The following SLIT3 variants were observed in gnomAD, a reference collection of about 807,000 sequenced individuals.
SLIT3 encodes slit guidance ligand 3.
Under a neutral mutation model 184.0 loss-of-function variants are expected in SLIT3, and 68 were observed. The observed-to-expected ratio is 0.37, with a 90% CI of 0.30 to 0.45. The LOEUF (loss-of-function observed/expected upper bound fraction) is 0.45. Ranked by LOEUF, SLIT3 falls within the 20% of genes least tolerant of loss-of-function variation. The probability of loss-of-function intolerance (pLI) is 1.00; values close to 1 mark genes in which losing one functional copy is unlikely to be tolerated. For synonymous variants in SLIT3, 831 were observed against 828.6 expected (o/e 1.00, Z -0.05); for missense variants, 1,707 against 2,026.0 (o/e 0.84, Z 3.02).
chr5:169,250,210 T>A lies in SLIT3; in HGVS notation c.269+1178A>T, dbSNP rs922785968. ...TAGGGGCTCATAATAATGCCCCACC[T>A]TTTTGTTACCACTATGTAATACTGT... On this transcript the variant is annotated intron_variant, in intron 2 of 35. Transcript: ENST00000519560. Among the ~76,000 whole-genome samples the A allele has an allele frequency of 4.6e-5, 7 of 152,184 alleles. No homozygotes were observed. The South Asian group carries it at 1.2e-3, about 27-fold the overall frequency.
intron 4 of SLIT3, among the ~76,000 whole-genome samples, chr5:169,123,587 C>T (rs1760965906): frequency 6.6e-6 from 1 of 152,110 alleles, no homozygotes; most frequent in South Asian, 2.1e-4. Context: ...TTGATAGGTG[C>T]CAAAACTGTT....
chr5:169,025,472 C>A (rs6890327), intron 4 of SLIT3, among the ~76,000 whole-genome samples: 44,555 of 151,964 alleles, frequency 0.29, 7,050 homozygotes, highest in East Asian at 0.51. Flanking sequence ...ACAGATGGTA[C>A]ATTCCTTGCT....
intron 3 of SLIT3, among the ~76,000 whole-genome samples, chr5:169,212,983 G>C (rs913539551): frequency 1.3e-5 from 2 of 152,148 alleles, no homozygotes; most frequent in Admixed American, 1.3e-4. Context: ...TGAGGCCTCT[G>C]TTCTGTTCCA....
At chr5:169,136,114 T>C (rs1761492811) in intron 4 of SLIT3, among the ~76,000 whole-genome samples, 1 of 152,048 alleles carries the variant, frequency 6.6e-6, no homozygotes, top group Non-Finnish European at 1.5e-5. Flanking sequence ...TCCTACCAAA[T>C]AGGAGCTAGA....
intron 4 of SLIT3, among the ~76,000 whole-genome samples, chr5:169,045,374 A>G (rs1757591175): frequency 6.6e-6 from 1 of 152,048 alleles, no homozygotes; most frequent in Non-Finnish European, 1.5e-5. Flanking sequence ...GACAGCAAAA[A>G]AGAACTTCTA....
intron 4 of SLIT3, among the ~76,000 whole-genome samples, chr5:168,974,444 T>C (rs1332198046): frequency 1.3e-5 from 2 of 152,258 alleles, no homozygotes; most frequent in African/African-American, 4.8e-5. Context: ...GTTTGGCTTC[T>C]GAATTTTGAA....
chr5:169,129,640 GA>G (rs1310652174), intron 4 of SLIT3, among the ~76,000 whole-genome samples: 1 of 152,006 alleles, frequency 6.6e-6, no homozygotes. Context: ...TGAAAACCAG[GA>G]AAAAAACTGA....
chr5:168,708,202 C>G, intron 25 of SLIT3, 102 bp from the exon 26 acceptor site: 1 of 1,524,644 alleles, frequency 6.6e-7, no homozygotes, highest in East Asian at 2.3e-5. Flanking sequence ...AGCGCCAGCC[C>G]CTTCCCAACT....
intron 9 of SLIT3, among the ~76,000 whole-genome samples, chr5:168,804,752 A>G (rs949449463): frequency 1.4e-4 from 22 of 152,202 alleles, no homozygotes; most frequent in African/African-American, 4.1e-4. Context: ...AGGTGAAGAA[A>G]GAAGAAGCGA....
intron 33 of SLIT3, among the ~76,000 whole-genome samples, 154 bp downstream of exon 33, chr5:168,673,023 G>C (rs1187431229): frequency 1.3e-5 from 2 of 152,052 alleles, no homozygotes; most frequent in Non-Finnish European, 2.9e-5. Context: ...TTCCTCCATG[G>C]CCTGGCTAGT....
intron 4 of SLIT3, among the ~76,000 whole-genome samples, chr5:169,158,332 G>A (rs1262072233): frequency 6.6e-6 from 1 of 151,942 alleles, no homozygotes; most frequent in Non-Finnish European, 1.5e-5. Flanking sequence ...TTTTTTTCAA[G>A]GGCTGAAAGA....
chr5:168,812,179 T>C (rs1393279848), intron 8 of SLIT3, among the ~76,000 whole-genome samples: 1 of 152,158 alleles, frequency 6.6e-6, no homozygotes, highest in Non-Finnish European at 1.5e-5. Flanking sequence ...GAAAGGAGAA[T>C]GGTGCTTACC....
At chr5:168,684,678 C>A (rs1761690882) in intron 31 of SLIT3, among the ~76,000 whole-genome samples, 1 of 152,096 alleles carries the variant, frequency 6.6e-6, no homozygotes, top group Non-Finnish European at 1.5e-5. Flanking sequence ...CCATGTTAAC[C>A]AGGCTGGTTT....
chr5:168,822,599 T>C (rs1427823484), intron 7 of SLIT3, among the ~76,000 whole-genome samples: 2 of 152,072 alleles, frequency 1.3e-5, no homozygotes, highest in South Asian at 2.1e-4. Context: ...CCCCAGGTAA[T>C]AAGAGCACTA....
chr5:168,900,689 A>T (rs1760835884), intron 4 of SLIT3, among the ~76,000 whole-genome samples: 1 of 152,244 alleles, frequency 6.6e-6, no homozygotes, highest in African/African-American at 2.4e-5. Context: ...TATTCACAAT[A>T]GTAAAGATAT....
At chr5:169,156,372 A>T (rs748148640) in intron 4 of SLIT3, among the ~76,000 whole-genome samples, 2 of 152,198 alleles carry the variant, frequency 1.3e-5, no homozygotes, top group African/African-American at 2.4e-5. Context: ...GCCCTTTATC[A>T]CCCTAATGAA....
chr5:169,195,684 G>A (rs990691564), intron 3 of SLIT3, among the ~76,000 whole-genome samples: 3 of 152,062 alleles, frequency 2.0e-5, no homozygotes, highest in Non-Finnish European at 4.4e-5. Flanking sequence ...ACACCACCAT[G>A]CCTGGCTAAT....
intron 4 of SLIT3, among the ~76,000 whole-genome samples, chr5:169,095,021 G>C (rs780739069): frequency 6.6e-6 from 1 of 152,176 alleles, no homozygotes; most frequent in Non-Finnish European, 1.5e-5. Flanking sequence ...CAGGGACCAG[G>C]AGGAGGACAC....
At chr5:169,179,713 C>T (rs1763095543) in intron 4 of SLIT3, among the ~76,000 whole-genome samples, 1 of 152,116 alleles carries the variant, frequency 6.6e-6, no homozygotes, top group South Asian at 2.1e-4. Flanking sequence ...TCTGTGCACA[C>T]ATGCTGTTAA....
Sources: allele counts gnomAD v4.1 joint callset (sites outside exome capture counted in the v4.1 genomes callset), GRCh38; gene constraint gnomAD v4.1.1; transcripts MANE v1.5; gene names NCBI Gene and HGNC (gene_info 2026-07-23, HGNC 2026-07-21).